SMYD3: variants seen among roughly 807,000 people sequenced by gnomAD.
SMYD3 encodes histone-lysine N-methyltransferase SMYD3.
SMYD3 carries 36 observed loss-of-function variants against 57.7 expected under a neutral mutation model. That is an observed-to-expected ratio of 0.62 (90% CI 0.48 to 0.82). The LOEUF (loss-of-function observed/expected upper bound fraction) is 0.82, where lower values mean the gene tolerates loss of function less well. Ranked by LOEUF, SMYD3 falls within the 40% of genes least tolerant of loss-of-function variation. SMYD3 has a pLI of 0.00. For missense variants in SMYD3, 515 were observed against 538.8 expected, an observed-to-expected ratio of 0.96 and a Z score of 0.44; for synonymous variants, 211 against 195.0, an observed-to-expected ratio of 1.08 and a Z score of -0.68.
At chr1:246,220,448 C>CT (rs888604705) in intron 5 of SMYD3, among the ~76,000 whole-genome samples, 6 of 152,112 alleles carry the variant, frequency 3.9e-5, no homozygotes. Flanking sequence ...ACAGCTGCAG[C>CT]TGACCAAACC....
chr1:246,291,148 C>G (rs930495208), intron 5 of SMYD3, among the ~76,000 whole-genome samples: 1 of 152,146 alleles, frequency 6.6e-6, no homozygotes, highest in Non-Finnish European at 1.5e-5. Context: ...ATGGTCAAGA[C>G]AAGCATCAGT....
intron 1 of SMYD3, among the ~76,000 whole-genome samples, chr1:246,412,491 C>T (rs2066992506): frequency 6.6e-6 from 1 of 151,864 alleles, no homozygotes; most frequent in Non-Finnish European, 1.5e-5. Flanking sequence ...TCCAATAAAA[C>T]ATATTGAATG....
chr1:246,068,581 T>C (rs754660289), intron 5 of SMYD3, among the ~76,000 whole-genome samples: 7 of 152,132 alleles, frequency 4.6e-5, no homozygotes, highest in Non-Finnish European at 7.3e-5. Flanking sequence ...GAGCGCAGGG[T>C]GCCTGCAACC....
intron 5 of SMYD3, chr1:245,955,887 T>A (rs1025549331): frequency 9.4e-6 from 9 of 961,244 alleles, no homozygotes; most frequent in Non-Finnish European, 1.1e-5. Context: ...TTTTTTTTTT[T>A]TTTGGCTCAA....
chr1:245,928,452 A>G (rs1341555671), intron 6 of SMYD3, among the ~76,000 whole-genome samples: 1 of 151,988 alleles, frequency 6.6e-6, no homozygotes, highest in East Asian at 1.9e-4. Context: ...TGGGTGGATC[A>G]TTTGAGGCCA....
At chr1:245,995,517 T>C (rs1444621122) in intron 5 of SMYD3, among the ~76,000 whole-genome samples, 1 of 152,260 alleles carries the variant, frequency 6.6e-6, no homozygotes, top group Non-Finnish European at 1.5e-5. Context: ...TAGGGCTGGA[T>C]GATATTTCAA....
intron 1 of SMYD3, among the ~76,000 whole-genome samples, chr1:246,361,247 T>C (rs1234951673): frequency 2.0e-5 from 3 of 152,096 alleles, no homozygotes; most frequent in Non-Finnish European, 1.5e-5. Context: ...CACAATGTAA[T>C]ACCACCTCAC....
chr1:245,855,216 A>G (rs1294104484), intron 10 of SMYD3, among the ~76,000 whole-genome samples: 3 of 152,148 alleles, frequency 2.0e-5, no homozygotes, highest in African/African-American at 7.2e-5. Context: ...ATATCTCCTT[A>G]TCACTCTCTA....
Position 246,287,124 on chromosome 1 carries a change from G to A in SMYD3, c.531+40077C>T, listed in dbSNP as rs372278260. On this transcript the variant is annotated intron_variant, in intron 5 of 11. Coordinates refer to ENST00000490107, the MANE Select transcript of SMYD3 (RefSeq NM_001167740.2). ...TGGCATCAAATGATCCACTTGCCTCGGCCTCCCAAAGTGCAAGGATTATAG... is the reference window on the plus strand; with the variant it reads ...TGGCATCAAATGATCCACTTGCCTCAGCCTCCCAAAGTGCAAGGATTATAG... Among the ~76,000 whole-genome samples, 319 of 151,954 alleles carry A rather than the reference G, an allele frequency of 2.1e-3. 2 individuals carry two copies. The highest frequency in any genetic ancestry group is 7.3e-3 in the African/African-American group (302 of 41,448).
chr1:246,210,324 T>C (rs1351042397), intron 5 of SMYD3, among the ~76,000 whole-genome samples: 1 of 152,148 alleles, frequency 6.6e-6, no homozygotes, highest in Non-Finnish European at 1.5e-5. Flanking sequence ...AGCTCTTAAG[T>C]GTAACAGGGT....
At chr1:246,222,831 C>T (rs923950221) in intron 5 of SMYD3, among the ~76,000 whole-genome samples, 4 of 152,072 alleles carry the variant, frequency 2.6e-5, no homozygotes, top group African/African-American at 4.8e-5. Flanking sequence ...GGTCACCATG[C>T]GGTTTAGAAG....
Position 245,894,856 on chromosome 1 carries a change from C to A in SMYD3, c.813+20674G>T, listed in dbSNP as rs184620687. On this transcript the variant is annotated intron_variant, in intron 8 of 11. Transcript: ENST00000490107. ...GTAGAAAAGAATGTGTGTGCAAGAACTGGAAAGGTGAGACAGAATTCACGA... is the reference window on the plus strand; with the variant it reads ...GTAGAAAAGAATGTGTGTGCAAGAAATGGAAAGGTGAGACAGAATTCACGA... 1.4e-4 allele frequency among the ~76,000 whole-genome samples: 21 copies of A among 152,264 alleles called. No homozygotes were observed. The East Asian group carries it at 4.1e-3, about 29-fold the overall frequency.
rs540781666 is a variant in SMYD3 at position 246,288,564 on chromosome 1, AGAT to A, written c.531+38634_531+38636del. ...CTAAGGCTAGTCCAGGCACAAGACT[AGAT>A]AAACCAACCACCTGGGGCAGAAGAG... On this transcript the variant is annotated intron_variant, in intron 5 of 11. Coordinates refer to ENST00000490107, the MANE Select transcript of SMYD3 (RefSeq NM_001167740.2). 4.7e-4 allele frequency among the ~76,000 whole-genome samples: 72 copies of A among 152,280 alleles called. 1 individual carries two copies. The highest frequency in any genetic ancestry group is 1.7e-3 in the African/African-American group (71 of 41,558).
At chr1:245,902,635 G>A (rs988924797) in intron 8 of SMYD3, among the ~76,000 whole-genome samples, 6 of 152,162 alleles carry the variant, frequency 3.9e-5, no homozygotes, top group Admixed American at 2.0e-4. Flanking sequence ...TGCCAACAAG[G>A]GGCCTAAGAA....
intron 5 of SMYD3, among the ~76,000 whole-genome samples, chr1:246,136,440 C>T (rs533249837): frequency 1.3e-5 from 2 of 152,246 alleles, no homozygotes; most frequent in African/African-American, 4.8e-5. Flanking sequence ...GAGATAGAAC[C>T]TTCTTTTGTT....
intron 5 of SMYD3, among the ~76,000 whole-genome samples, chr1:246,258,049 T>C (rs918742000): frequency 6.6e-6 from 1 of 152,178 alleles, no homozygotes; most frequent in Non-Finnish European, 1.5e-5. Context: ...TTTCTTTTCT[T>C]TTTTCGAGAC....
intron 5 of SMYD3, among the ~76,000 whole-genome samples, chr1:246,188,768 C>G (rs2062686639): frequency 6.6e-6 from 1 of 151,894 alleles, no homozygotes; most frequent in Non-Finnish European, 1.5e-5. Flanking sequence ...TGAGATCAGC[C>G]TGGGCAACAT....
intron 5 of SMYD3, among the ~76,000 whole-genome samples, chr1:246,098,350 G>A (rs919200455): frequency 6.6e-6 from 1 of 152,150 alleles, no homozygotes; most frequent in Non-Finnish European, 1.5e-5. Context: ...GTTTCCTGGT[G>A]TCCAGCACAC....
rs577635697 is a variant in SMYD3 at position 246,162,728 on chromosome 1, A to G, written c.531+164473T>C. ...ACAATACAATGTGAGGGTTACTCAG[A>G]GGTACAGAGACTAGTGGTATGGTCA... is the stretch of plus-strand genomic sequence containing the variant. On this transcript the variant is annotated intron_variant, in intron 5 of 11. Coordinates refer to ENST00000490107, the MANE Select transcript of SMYD3 (RefSeq NM_001167740.2). Among the ~76,000 whole-genome samples the G allele has an allele frequency of 1.7e-4, 26 of 152,342 alleles. 1 individual carries two copies. The South Asian group carries it at 5.4e-3, about 32-fold the overall frequency.
Sources: allele counts gnomAD v4.1 joint callset (sites outside exome capture counted in the v4.1 genomes callset), GRCh38; gene constraint gnomAD v4.1.1; transcripts MANE v1.5; gene names NCBI Gene and HGNC (gene_info 2026-07-23, HGNC 2026-07-21).